Variants in TRPM3 observed in about 807,000 individuals in gnomAD.
The protein encoded by TRPM3 is transient receptor potential cation channel subfamily M member 3.
Under a neutral mutation model 181.2 loss-of-function variants are expected in TRPM3, and 77 were observed. The ratio of observed to expected loss-of-function variants is 0.42; its 90% CI spans 0.35 to 0.51. The LOEUF is 0.51. Ranked by LOEUF, TRPM3 falls within the 20% of genes least tolerant of loss-of-function variation. TRPM3 has a pLI of 0.01. For synonymous variants in TRPM3, 745 were observed against 796.4 expected (o/e 0.94, Z 1.09); for missense variants, 1,759 against 2,196.7 (o/e 0.80, Z 3.98).
chr9:71,062,024 T>C (rs894846001), intron 1 of TRPM3, among the ~76,000 whole-genome samples: 3 of 152,020 alleles, frequency 2.0e-5, no homozygotes, highest in Non-Finnish European at 2.9e-5. Flanking sequence ...TGGATTGGAA[T>C]GGCCCCACTG....
intron 12 of TRPM3, among the ~76,000 whole-genome samples, chr9:70,628,734 G>A (rs1368407563): frequency 1.4e-5 from 2 of 145,084 alleles, no homozygotes; most frequent in African/African-American, 2.5e-5. Flanking sequence ...AGGCAGAATC[G>A]CTTGAACCCG....
chr9:71,086,539 AG>A (rs1324076399), intron 1 of TRPM3, among the ~76,000 whole-genome samples: 1 of 151,952 alleles, frequency 6.6e-6, no homozygotes, highest in Non-Finnish European at 1.5e-5. Context: ...TAACCAAAAG[AG>A]GTCAAAGTAT....
chr9:71,247,087 T>C (rs962002514), intron 1 of TRPM3, among the ~76,000 whole-genome samples: 3 of 152,128 alleles, frequency 2.0e-5, no homozygotes, highest in African/African-American at 4.8e-5. Flanking sequence ...GGTCTTGAAC[T>C]CCTAACCTTA....
chr9:70,764,740 C>T (rs2078778316), intron 7 of TRPM3, among the ~76,000 whole-genome samples: 1 of 152,114 alleles, frequency 6.6e-6, no homozygotes, highest in Non-Finnish European at 1.5e-5. Flanking sequence ...TGATTTGATC[C>T]ATTCAAAGCA....
intron 1 of TRPM3, among the ~76,000 whole-genome samples, chr9:70,975,802 T>C (rs976842469): frequency 1.3e-5 from 2 of 152,214 alleles, no homozygotes; most frequent in Non-Finnish European, 2.9e-5. Flanking sequence ...TGGAATAAAA[T>C]GTCAAGTCTG....
intron 1 of TRPM3, among the ~76,000 whole-genome samples, chr9:71,304,078 A>G (rs987035774): frequency 4.6e-5 from 7 of 152,148 alleles, no homozygotes; most frequent in African/African-American, 1.4e-4. Context: ...AGACACATAC[A>G]TATTGGAGAC....
At chr9:71,252,231 A>T (rs555475842) in intron 1 of TRPM3, among the ~76,000 whole-genome samples, 5 of 151,970 alleles carry the variant, frequency 3.3e-5, no homozygotes, top group African/African-American at 1.2e-4. Flanking sequence ...TAGGTTCTCT[A>T]ATTATGGCCA....
chr9:71,397,569 A>G (rs1241287374), intron 1 of TRPM3, among the ~76,000 whole-genome samples: 1 of 152,218 alleles, frequency 6.6e-6, no homozygotes, highest in African/African-American at 2.4e-5. Context: ...CACCCCTACA[A>G]GGCCCTCTTT....
intron 8 of TRPM3, among the ~76,000 whole-genome samples, chr9:70,699,877 A>G (rs1391276433): frequency 6.6e-6 from 1 of 152,188 alleles, no homozygotes; most frequent in East Asian, 1.9e-4. Context: ...AAGAAGAATC[A>G]TAAGGCATGT....
intron 1 of TRPM3, among the ~76,000 whole-genome samples, chr9:71,087,203 C>T (rs2065420972): frequency 1.3e-5 from 2 of 151,998 alleles, no homozygotes; most frequent in African/African-American, 4.8e-5. Context: ...TATTACTATT[C>T]CTCGATCCCA....
In TRPM3 at chr9:70,783,971, C is replaced by T. The variant is rs2083033371; in HGVS notation, c.1148+134G>A. 5.5e-6 allele frequency: 8 copies of T among 1,453,800 alleles called. No homozygotes were observed. The South Asian group carries it at 6.2e-5, about 11-fold the overall frequency. 90.1% of individuals were successfully genotyped at this position (1,453,800 alleles called of 1,614,324 possible). A position where few individuals can be genotyped will look rare whatever the true frequency, so the allele number is the denominator to read the frequency against. ...TTCACCACAGCCCTCCCATGACAGACATTTTTTAGACAATTTGTTCATAGC... is the reference window on the plus strand; with the variant it reads ...TTCACCACAGCCCTCCCATGACAGATATTTTTTAGACAATTTGTTCATAGC... On this transcript the variant is annotated intron_variant, in intron 7 of 25. Coordinates refer to ENST00000677713, the MANE Select transcript of TRPM3 (RefSeq NM_001366145.2).
intron 1 of TRPM3, among the ~76,000 whole-genome samples, chr9:70,906,724 G>A (rs757213797): frequency 6.6e-6 from 1 of 152,152 alleles, no homozygotes; most frequent in Non-Finnish European, 1.5e-5. Context: ...CCAACGTGGT[G>A]AAACCCACTA....
chr9:71,335,856 C>A (rs193241369), intron 1 of TRPM3, among the ~76,000 whole-genome samples: 1 of 152,210 alleles, frequency 6.6e-6, no homozygotes, highest in East Asian at 1.9e-4. Flanking sequence ...TGGGGAGATA[C>A]GATCCTTTTT....
chr9:70,936,402 GAT>G (rs1213270629), intron 1 of TRPM3, among the ~76,000 whole-genome samples: 1 of 152,156 alleles, frequency 6.6e-6, no homozygotes. Context: ...TTTAGCTAAT[GAT>G]AGAGTTCCAT....
At chr9:70,762,967 A>G (rs1381648174) in intron 7 of TRPM3, among the ~76,000 whole-genome samples, 1 of 152,000 alleles carries the variant, frequency 6.6e-6, no homozygotes, top group Non-Finnish European at 1.5e-5. Context: ...AGCAAGAAAA[A>G]CTTTATTGCT....
chr9:70,800,785 A>T (rs778592347), intron 6 of TRPM3, among the ~76,000 whole-genome samples: 22 of 151,902 alleles, frequency 1.4e-4, no homozygotes, highest in Non-Finnish European at 2.9e-4. Context: ...AAGACTTCTG[A>T]TCAACAGTAG....
chr9:71,176,138 G>A (rs2077096810), intron 1 of TRPM3, among the ~76,000 whole-genome samples: 1 of 152,122 alleles, frequency 6.6e-6, no homozygotes, highest in Non-Finnish European at 1.5e-5. Context: ...TATTTTAGAG[G>A]TATTCCTTCT....
At chr9:71,411,281 G>A (rs1170449496) in intron 1 of TRPM3, among the ~76,000 whole-genome samples, 3 of 152,198 alleles carry the variant, frequency 2.0e-5, no homozygotes, top group Admixed American at 6.6e-5. Context: ...AGAAATAAAG[G>A]ATATTCAATT....
chr9:70,761,518 G>C (rs995133796), intron 8 of TRPM3, 83 bp downstream of exon 8: 1 of 1,592,602 alleles, frequency 6.3e-7, no homozygotes, highest in Admixed American at 1.7e-5. Flanking sequence ...AGAGAATGTT[G>C]CATGATTTGA....
Sources: gnomAD v4.1 joint callset for allele counts (sites outside exome capture counted in the v4.1 genomes callset) on GRCh38, gnomAD v4.1.1 for gene constraint, MANE v1.5 for transcripts, NCBI Gene and HGNC (gene_info 2026-07-23, HGNC 2026-07-21) for gene names.